Variants in KRT81 observed in about 807,000 individuals in gnomAD.
The protein encoded by KRT81 is keratin 81.
A neutral mutation model predicts 35.8 loss-of-function variants in KRT81; 35 were observed. The observed-to-expected ratio is 0.98, with a 90% CI of 0.75 to 1.30. KRT81 has a LOEUF of 1.30. Ranked by LOEUF, KRT81 falls within the 50% of genes most tolerant of loss-of-function variation. The pLI, the probability that KRT81 is intolerant of heterozygous loss-of-function variation, is 0.00. For synonymous variants in KRT81, 249 were observed against 251.2 expected (o/e 0.99, Z 0.08); for missense variants, 531 against 577.4 (o/e 0.92, Z 0.82).
At chr12:52,288,677 C>G (rs1938047732) in intron 3 of KRT81, among the ~76,000 whole-genome samples, 1 of 152,084 alleles carries the variant, frequency 6.6e-6, no homozygotes, top group Non-Finnish European at 1.5e-5. Flanking sequence ...GCCTTTCACC[C>G]CTCCTTGCCC....
At chr12:52,287,872 C>T in intron 5 of KRT81, 112 bp downstream of exon 5, 4 of 1,603,934 alleles carry the variant, frequency 2.5e-6, no homozygotes, top group Non-Finnish European at 3.4e-6. Flanking sequence ...ATTGGCAGCC[C>T]TCTCTTCTCA....
At chr12:52,286,969 C>A (rs1005543455) in intron 7 of KRT81, 133 bp downstream of exon 7, 28 of 1,554,860 alleles carry the variant, frequency 1.8e-5, no homozygotes, top group Non-Finnish European at 2.4e-5. Flanking sequence ...CACACACCAG[C>A]CCTCCCCACA....
rs1937989773 is a variant in KRT81 at position 52,287,583 on chromosome 12, A to G, written c.1026+13T>C. Reference sequence around the variant, plus strand: ...CCTCGGTCTCTCTGACCTTGCGCACAGATGCCCCATACCTGGCACTTGGCA... The same window carrying G: ...CCTCGGTCTCTCTGACCTTGCGCACGGATGCCCCATACCTGGCACTTGGCA... On this transcript the variant is annotated intron_variant, in intron 6 of 8. Transcript: ENST00000327741. The G allele has an allele frequency of 6.2e-7, 1 of 1,613,940 alleles. No homozygotes were observed.
At chr12:52,286,617 T>A in intron 8 of KRT81, 124 bp from the exon 9 acceptor site, 1 of 1,207,850 alleles carries the variant, frequency 8.3e-7, no homozygotes, top group Non-Finnish European at 1.2e-6. Context: ...TGGACAATTC[T>A]AGGTCCATCT....
rs1269318096 is a variant in KRT81 at position 52,290,542 on chromosome 12, C to CG, written c.370-257_370-256insC. On this transcript the variant is annotated intron_variant, in intron 1 of 8. Coordinates refer to ENST00000327741, the MANE Select transcript of KRT81 (RefSeq NM_002281.4). ...CCCTGGGGAGTTGAGTGACCCCCCC[C>CG]CCCCAACCCAAGCAGATGAACAGAA... Among the ~76,000 whole-genome samples the CG allele has an allele frequency of 1.1e-4, 2 of 17,716 alleles. 1 individual carries two copies. The highest frequency in any genetic ancestry group is 1.9e-4 in the Non-Finnish European group (2 of 10,756). 11.6% of individuals were successfully genotyped at this position (17,716 alleles called of 152,430 possible). A position where few individuals can be genotyped will look rare whatever the true frequency, so the allele number is the denominator to read the frequency against.
chr12:52,291,411 C>A lies in KRT81; in HGVS notation c.55G>T (p.Gly19Trp), dbSNP rs555244465. ...GRAFSCISACGPRPGRCCITA... is the reference protein window; with the variant it reads ...GRAFSCISACWPRPGRCCITA... ...ATGCAGCAGCGGCCGGGCCGCGGCC[C>A]GCAGGCCGAGATGCAGCTGAAGGCG... The change falls in exon 1 of 9, where the codon GGG (glycine) becomes TGG (tryptophan). Residue 19 changes from glycine (G) to tryptophan (W), a missense_variant. Transcript: ENST00000327741. 14 of 1,611,304 alleles carry A rather than the reference C, an allele frequency of 8.7e-6. No homozygotes were observed. Among genetic ancestry groups the A allele is most frequent in the Non-Finnish European group, 1.2e-5 (14 of 1,179,038 alleles).
In KRT81 at chr12:52,286,359, C is replaced by A. The variant is rs551755048; in HGVS notation, c.1414G>T (p.Gly472Cys). 6.4e-7 allele frequency: 1 copy of A among 1,555,134 alleles called. No individual in the cohort carries two copies. Among genetic ancestry groups the A allele is most frequent in the African/African-American group, 1.4e-5 (1 of 73,478 alleles). The change falls in exon 9 of 9, where the codon GGC becomes TGC. Residue 472 changes from glycine (G) to cysteine (C), a missense_variant. By Grantham distance (159) the Gly-to-Cys change is radical. Around this residue, in one of 5 missense-constraint regions of KRT81, gnomAD observed 150 missense variants for 145.4 expected, o/e 1.03. Coordinates refer to ENST00000327741, the MANE Select transcript of KRT81 (RefSeq NM_002281.4). Reference protein sequence around the residue: ...AVSTGLCAPCGQLNTTCGGGS... With the variant: ...AVSTGLCAPCCQLNTTCGGGS... ...CCTCCGCAGGTGGTGTTCAATTGGC[C>A]GCAGGGCGCACACAGGCCGGTGCTC...
At chr12:52,288,246 C>T in intron 4 of KRT81, 98 bp from the exon 5 acceptor site, 2 of 1,595,242 alleles carry the variant, frequency 1.3e-6, no homozygotes, top group Non-Finnish European at 1.7e-6. Flanking sequence ...CCCAACCCTG[C>T]CCCCTCACAC....
At position 52,291,225 on chromosome 12, in the gene KRT81, C is replaced by T. The variant is rs760601861; in HGVS notation, c.241G>A (p.Val81Met). 91 of 1,478,502 alleles carry T rather than the reference C, an allele frequency of 6.2e-5. No individual in the cohort carries two copies. The highest frequency in any genetic ancestry group is 7.1e-5 in the Non-Finnish European group (78 of 1,100,200). The allele number at this position is 1,478,502 out of a possible 1,614,324, so 91.6% of individuals were successfully genotyped here. A position where few individuals can be genotyped will look rare whatever the true frequency, so the allele number is the denominator to read the frequency against. ...CGPSPPCITT[V>M]SVNESLLTPL... ...GTGAGGAGGCTCTCGTTGACCGACA[C>T]GGTGGTGATGCATGGGGGACTGGGC... Residue 81 changes from valine to methionine, a missense_variant, in exon 1 of 9, where the codon GTG becomes ATG. By Grantham distance (21) the Val-to-Met change is conservative (BLOSUM62 1). This residue lies in a region of KRT81 where 133 missense variants were observed against 125.9 expected (regional missense o/e 1.06). Coordinates refer to ENST00000327741, the MANE Select transcript of KRT81 (RefSeq NM_002281.4).
In KRT81 at chr12:52,287,690, T is replaced by A; in HGVS notation, c.932A>T (p.His311Leu). The part of the protein sequence containing the change: ...CEEMKATVIR[H>L]GETLRRTKEE... ...CTTGGTGCGGCGCAGGGTCTCCCCG[T>A]GCCTGATCACCGTGGCCTTCATCTC... Residue 311 changes from histidine (H) to leucine (L), a missense_variant, in exon 6 of 9, where the codon CAC (histidine) becomes CTC (leucine). By Grantham distance (99) the His-to-Leu change is moderately conservative. Around this residue, in one of 5 missense-constraint regions of KRT81, gnomAD observed 194 missense variants for 198.2 expected, o/e 0.98. Transcript: ENST00000327741. 1 of 1,613,960 alleles carries A rather than the reference T, an allele frequency of 6.2e-7. No homozygotes were observed. Among genetic ancestry groups the A allele is most frequent in the Non-Finnish European group, 8.5e-7 (1 of 1,179,886 alleles).
rs147886632 is a variant in KRT81 at position 52,288,434 on chromosome 12, C to G, written c.662G>C (p.Arg221Pro). 1 of 1,614,138 alleles carries G rather than the reference C, an allele frequency of 6.2e-7. No individual in the cohort carries two copies. Among genetic ancestry groups the G allele is most frequent in the African/African-American group, 1.3e-5 (1 of 75,016 alleles). ...LKKDVDCAYL[R>P]KSDLEANVEA... ...CACGTTGGCCTCCAGGTCTGACTTG[C>G]GGAGGTAGGCGCAGTCCACATCCTG... is the stretch of plus-strand genomic sequence containing the variant. The change falls in exon 4 of 9, where the codon CGC becomes CCC. Residue 221 changes from arginine (R) to proline (P), a missense_variant. Arg to Pro is a moderately radical substitution (Grantham distance 103). Around this residue, in one of 5 missense-constraint regions of KRT81, gnomAD observed 194 missense variants for 198.2 expected, o/e 0.98. Transcript: ENST00000327741.
At chr12:52,287,959 C>A (rs376281578) in intron 5 of KRT81, 25 bp downstream of exon 5, 1 of 1,614,178 alleles carries the variant, frequency 6.2e-7, no homozygotes, top group Non-Finnish European at 8.5e-7. Context: ...ACACGTCTAG[C>A]AGGCAGGTGT....
intron 3 of KRT81, among the ~76,000 whole-genome samples, 154 bp from the exon 4 acceptor site, chr12:52,288,610 C>G (rs895873170): frequency 6.6e-6 from 1 of 152,132 alleles, no homozygotes; most frequent in Non-Finnish European, 1.5e-5. Flanking sequence ...CTGGGATGAG[C>G]TGGCATCCTC....
In KRT81 at chr12:52,286,192, TG is replaced by T; in HGVS notation, c.*62del. ...GAGCACTTGCTCCAGGCGCCTGGAC[TG>T]GATGGGCCAAGCAAGGCAGGGCAGG... On this transcript the variant is annotated 3_prime_UTR_variant, in exon 9 of 9. Coordinates refer to ENST00000327741, the MANE Select transcript of KRT81 (RefSeq NM_002281.4). 1 of 1,383,264 alleles carries T rather than the reference TG, an allele frequency of 7.2e-7. No homozygotes were observed. Among genetic ancestry groups the T allele is most frequent in the Non-Finnish European group, 1.0e-6 (1 of 994,772 alleles). The allele number at this position is 1,383,264 out of a possible 1,614,324, so 85.7% of individuals were successfully genotyped here.
Position 52,287,465 on chromosome 12 carries a change from C to A in KRT81, c.1026+131G>T, listed in dbSNP as rs1459610380. ...TTATCACCTGGGACTCATTGAGAGACCACGACCAGGGACTCTACATGGACA... is the reference window on the plus strand; with the variant it reads ...TTATCACCTGGGACTCATTGAGAGAACACGACCAGGGACTCTACATGGACA... On this transcript the variant is annotated intron_variant, in intron 6 of 8. Coordinates refer to ENST00000327741, the MANE Select transcript of KRT81 (RefSeq NM_002281.4). 10 of 1,583,606 alleles carry A rather than the reference C, an allele frequency of 6.3e-6. No individual in the cohort carries two copies. In the African/African-American group the frequency reaches 1.2e-4, roughly 19 times the overall value.
rs754423411 is a variant in KRT81, at chr12:52,287,579, G to A, written c.1026+17C>T. 1.1e-5 allele frequency: 17 copies of A among 1,613,796 alleles called. No homozygotes were observed. The highest frequency in any genetic ancestry group is 6.7e-5 in the African/African-American group (5 of 74,894). ...AGGCCCTCGGTCTCTCTGACCTTGC[G>A]CACAGATGCCCCATACCTGGCACTT... On this transcript the variant is annotated intron_variant, in intron 6 of 8. Transcript: ENST00000327741.
rs1239348639 is a variant in KRT81, at chr12:52,288,437, A to T, written c.659T>A (p.Leu220His). Residue 220 changes from leucine to histidine, a missense_variant, in exon 4 of 9, where the codon CTC becomes CAC. Physicochemically the swap from Leu to His is moderately conservative, Grantham distance 99. Coordinates refer to ENST00000327741, the MANE Select transcript of KRT81 (RefSeq NM_002281.4). Reference protein sequence around the residue: ...ALKKDVDCAYLRKSDLEANVE... With the variant: ...ALKKDVDCAYHRKSDLEANVE... ...GTTGGCCTCCAGGTCTGACTTGCGG[A>T]GGTAGGCGCAGTCCACATCCTGGAA... 1 of 1,613,902 alleles carries T rather than the reference A, an allele frequency of 6.2e-7. No individual in the cohort carries two copies. Among genetic ancestry groups the T allele is most frequent in the Non-Finnish European group, 8.5e-7 (1 of 1,179,992 alleles).
At position 52,291,350 on chromosome 12, in the gene KRT81, C is replaced by G; in HGVS notation, c.116G>C (p.Arg39Pro). Reference sequence around the variant, plus strand: ...GCTGCCGAAGCCCCCGGTGAGGCCGCGGTAGCAGGAGATGCCACGGTAGGG... The same window carrying G: ...GCTGCCGAAGCCCCCGGTGAGGCCGGGGTAGCAGGAGATGCCACGGTAGGG... ...AAPYRGISCY[R>P]GLTGGFGSHS... Residue 39 changes from arginine to proline, a missense_variant, in exon 1 of 9, where the codon CGC (arginine) becomes CCC (proline). Coordinates refer to ENST00000327741, the MANE Select transcript of KRT81 (RefSeq NM_002281.4). The G allele has an allele frequency of 1.9e-6, 3 of 1,585,780 alleles. No homozygotes were observed. The East Asian group carries it at 6.9e-5, about 36-fold the overall frequency.
intron 5 of KRT81, 112 bp downstream of exon 5, chr12:52,287,872 C>A (rs566235279): frequency 1.6e-5 from 25 of 1,603,934 alleles, no homozygotes; most frequent in Admixed American, 6.8e-5. Flanking sequence ...ATTGGCAGCC[C>A]TCTCTTCTCA....
Sources: allele counts gnomAD v4.1 joint callset (sites outside exome capture counted in the v4.1 genomes callset), GRCh38; gene constraint gnomAD v4.1.1; regional missense constraint gnomAD v4.1.1; transcripts MANE v1.5; gene names NCBI Gene and HGNC (gene_info 2026-07-23, HGNC 2026-07-21).